ABCC6: variants seen among roughly 807,000 people sequenced by gnomAD.
ABCC6 encodes the protein ATP binding cassette subfamily C member 6.
ABCC6 carries 126 observed loss-of-function variants against 169.5 expected under a neutral mutation model. The ratio of observed to expected loss-of-function variants is 0.74; its 90% CI spans 0.64 to 0.86. The LOEUF (loss-of-function observed/expected upper bound fraction) is 0.86. ABCC6 is among the 40% of genes least tolerant of loss of function. ABCC6 has a pLI of 0.00. For synonymous variants in ABCC6, 752 were observed against 814.7 expected, an observed-to-expected ratio of 0.92 and a Z score of 1.31; for missense variants, 1,733 against 1,927.2, an observed-to-expected ratio of 0.90 and a Z score of 1.89.
chr16:16,183,209 C>CCA (rs370627281), intron 15 of ABCC6, among the ~76,000 whole-genome samples: 2 of 151,980 alleles, frequency 1.3e-5, no homozygotes, highest in African/African-American at 2.4e-5. Flanking sequence ...GGGCACGCAT[C>CCA]CACACACACA....
In ABCC6 at chr16:16,150,763, C is replaced by CT. The variant is rs779044271; in HGVS notation, c.4217dup (p.Lys1407GlufsTer121). ...CACGTGCCAGACACAGGAGCTGTTT[C>CT]TGGCCCACGCTGGGAACGATTGGGA... On this transcript the variant is annotated frameshift_variant, in exon 30 of 31. Coordinates refer to ENST00000205557, the MANE Select transcript of ABCC6 (RefSeq NM_001171.6). LOFTEE classifies it high-confidence loss of function. 6.2e-7 allele frequency: 1 copy of CT among 1,613,574 alleles called. No individual in the cohort carries two copies. The highest frequency in any genetic ancestry group is 1.1e-5 in the South Asian group (1 of 90,990).
intron 25 of ABCC6, 116 bp downstream of exon 25, chr16:16,161,322 G>T: frequency 1.3e-6 from 2 of 1,482,290 alleles, no homozygotes; most frequent in South Asian, 1.2e-5. Context: ...TTGGTGGAGG[G>T]ACTCCACACA....
chr16:16,162,802 C>T (rs899751996), intron 24 of ABCC6, among the ~76,000 whole-genome samples, 191 bp downstream of exon 24: 1 of 152,202 alleles, frequency 6.6e-6, no homozygotes, highest in Non-Finnish European at 1.5e-5. Flanking sequence ...CCCCCGCCCA[C>T]CTGCTGTTGA....
At chr16:16,193,744 CT>C (rs2047942603) in intron 10 of ABCC6, among the ~76,000 whole-genome samples, 2 of 152,178 alleles carry the variant, frequency 1.3e-5, no homozygotes, top group South Asian at 4.1e-4. Flanking sequence ...CTTGCTTTCA[CT>C]TTATGGACTC....
chr16:16,160,563 G>C (rs1472726842), intron 25 of ABCC6, among the ~76,000 whole-genome samples: 1 of 145,226 alleles, frequency 6.9e-6, no homozygotes, highest in Non-Finnish European at 1.5e-5. Flanking sequence ...GGAGGCTGGG[G>C]CAGGCAGACC....
intron 30 of ABCC6, 152 bp from the exon 31 acceptor site, chr16:16,150,393 G>A (rs972908750): frequency 2.6e-6 from 4 of 1,520,354 alleles, no homozygotes; most frequent in Non-Finnish European, 3.6e-6. Context: ...TTGGAAGCGT[G>A]TGCTGGGCGC....
chr16:16,152,158 A>T lies in ABCC6; in HGVS notation c.4209-1386T>A, dbSNP rs1234966200. Among the ~76,000 whole-genome samples, 8 of 127,972 alleles carry T rather than the reference A, an allele frequency of 6.3e-5. No homozygotes were observed. The South Asian group carries it at 2.2e-3, about 35-fold the overall frequency. The allele number at this position is 127,972 out of a possible 152,430, so 84.0% of individuals were successfully genotyped here. ...AAGTGAGCCAAGATCGCGCCACTGC[A>T]CTCCAGCCTGGGCGACAGAGCAAGA... On this transcript the variant is annotated intron_variant, in intron 29 of 30. Coordinates refer to ENST00000205557, the MANE Select transcript of ABCC6 (RefSeq NM_001171.6).
chr16:16,157,315 A>T (rs998097795), intron 27 of ABCC6, among the ~76,000 whole-genome samples: 1 of 152,192 alleles, frequency 6.6e-6, no homozygotes. Context: ...GCTTTTCCCA[A>T]TGTCTCCCAG....
chr16:16,186,050 T>G (rs1191206465), intron 14 of ABCC6, among the ~76,000 whole-genome samples: 1 of 152,174 alleles, frequency 6.6e-6, no homozygotes, highest in African/African-American at 2.4e-5. Flanking sequence ...AGCTAGTCAG[T>G]GCTGGGGCTG....
intron 29 of ABCC6, 111 bp downstream of exon 29, chr16:16,154,517 A>C: frequency 7.4e-7 from 1 of 1,355,268 alleles, no homozygotes; most frequent in Non-Finnish European, 1.0e-6. Context: ...TTATTAATGT[A>C]ACAGAGTGAT....
intron 9 of ABCC6, 114 bp from the exon 10 acceptor site, chr16:16,198,296 TAA>T: frequency 8.4e-7 from 1 of 1,190,698 alleles, no homozygotes; most frequent in African/African-American, 1.5e-5. Context: ...GGTGGGTGAG[TAA>T]AGTCTCTTAG....
At chr16:16,158,898 C>A (rs145054106) in intron 26 of ABCC6, among the ~76,000 whole-genome samples, 74 of 152,058 alleles carry the variant, frequency 4.9e-4, no homozygotes, top group African/African-American at 1.7e-3. Context: ...TATGATGTTG[C>A]TGTTGTGTTA....
intron 10 of ABCC6, among the ~76,000 whole-genome samples, chr16:16,197,242 A>G (rs8062992): frequency 0.3 from 45,730 of 151,866 alleles, 7,786 homozygotes; most frequent in East Asian, 0.41. Flanking sequence ...GGGTACCCTA[A>G]TAGCACATGG....
In ABCC6 at chr16:16,175,765, G is replaced by A. The variant is rs56100808; in HGVS notation, c.2666+146C>T. On this transcript the variant is annotated intron_variant, in intron 20 of 30. Coordinates refer to ENST00000205557, the MANE Select transcript of ABCC6 (RefSeq NM_001171.6). ...ACCAATTTTGGTAAATTATCCCTCA[G>A]CAGGGCACCATGGGGGGGACTTCAG... The A allele has an allele frequency of 2.4e-3, 2,047 of 837,800 alleles. 13 individuals carry two copies. The highest frequency in any genetic ancestry group is 5.4e-3 in the South Asian group (366 of 67,920). The allele number at this position is 837,800 out of a possible 1,614,324, so 51.9% of individuals were successfully genotyped here.
chr16:16,181,563 T>G (rs995509780), intron 17 of ABCC6: 34 of 152,544 alleles, frequency 2.2e-4, no homozygotes, highest in African/African-American at 8.0e-4. Flanking sequence ...CTGTGGGGGA[T>G]CAGGGAATAT....
Position 16,190,201 on chromosome 16 carries a change from G to C in ABCC6, c.1598C>G (p.Ser533Cys). 1 of 1,614,088 alleles carries C rather than the reference G, an allele frequency of 6.2e-7. No homozygotes were observed. The highest frequency in any genetic ancestry group is 8.5e-7 in the Non-Finnish European group (1 of 1,180,036). Residue 533 changes from serine (S) to cysteine (C), a missense_variant, in exon 12 of 31, where the codon TCT (serine) becomes TGT (cysteine). This residue lies in a region of ABCC6 where 1,601 missense variants were observed against 1,635.5 expected (regional missense o/e 0.98). Coordinates refer to ENST00000205557, the MANE Select transcript of ABCC6 (RefSeq NM_001171.6). ...CACTTGGAAGGACACCAGCGACACA[G>C]AGAAGAGGAGGCCGGAGGTCCGCAA... is the stretch of plus-strand genomic sequence containing the variant. Reference protein sequence around the residue: ...GALRTSGLLFSVSLVSFQVST... With the variant: ...GALRTSGLLFCVSLVSFQVST...
At chr16:16,192,147 CGGGAGT>C (rs943900656) in intron 11 of ABCC6, among the ~76,000 whole-genome samples, 1 of 152,048 alleles carries the variant, frequency 6.6e-6, no homozygotes, top group Non-Finnish European at 1.5e-5. Context: ...AGAGGATCTT[CGGGAGT>C]GAGGGTGATC....
At chr16:16,169,119 G>C (rs758251115) in intron 22 of ABCC6, among the ~76,000 whole-genome samples, 20 of 152,192 alleles carry the variant, frequency 1.3e-4, no homozygotes, top group Admixed American at 1.3e-3. Context: ...ATAAATAATT[G>C]AGATCCATGG....
intron 12 of ABCC6, 60 bp downstream of exon 12, chr16:16,190,104 G>A: frequency 6.3e-7 from 1 of 1,586,530 alleles, no homozygotes. Flanking sequence ...ACCTCACCCT[G>A]CCCCCACCCC....
Sources: gnomAD v4.1 joint callset for allele counts (sites outside exome capture counted in the v4.1 genomes callset) on GRCh38, gnomAD v4.1.1 for gene constraint, gnomAD v4.1.1 regional missense constraint, MANE v1.5 for transcripts, NCBI Gene and HGNC (gene_info 2026-07-23, HGNC 2026-07-21) for gene names.